The following EPB41 variants were observed in gnomAD, a reference collection of about 807,000 sequenced individuals.
EPB41 encodes protein 4.1.
In EPB41, 65 loss-of-function variants were observed where a neutral mutation model predicts 108.0. That is an observed-to-expected ratio of 0.60 (90% CI 0.49 to 0.74). The LOEUF is 0.74. Among genes scored for constraint, EPB41 ranks in the 30% least tolerant of loss-of-function variants. EPB41 has a pLI of 0.00. For missense variants in EPB41, 875 were observed against 1,037.0 expected (o/e 0.84, Z 2.15); for synonymous variants, 336 against 358.9 (o/e 0.94, Z 0.72).
At chr1:28,906,303 C>A (rs2091823593) in intron 1 of EPB41, among the ~76,000 whole-genome samples, 2 of 152,144 alleles carry the variant, frequency 1.3e-5, no homozygotes, top group Admixed American at 1.3e-4. Flanking sequence ...TTATATCTCC[C>A]CTTCTGCCCT....
chr1:29,116,583 G>C (rs1671030352), intron 20 of EPB41, among the ~76,000 whole-genome samples: 1 of 152,208 alleles, frequency 6.6e-6, no homozygotes, highest in Non-Finnish European at 1.5e-5. Flanking sequence ...TCTGAGACCA[G>C]AGTAGAGAGC....
intron 16 of EPB41, among the ~76,000 whole-genome samples, chr1:29,083,609 T>A (rs1249042630): frequency 6.6e-6 from 1 of 152,224 alleles, no homozygotes; most frequent in Admixed American, 6.5e-5. Context: ...TTATTGCAAG[T>A]GCCCATTTAA....
intron 1 of EPB41, among the ~76,000 whole-genome samples, chr1:28,977,384 G>A (rs954320021): frequency 2.8e-5 from 4 of 140,614 alleles, no homozygotes; most frequent in Admixed American, 1.4e-4. Context: ...AGTCTGTTCA[G>A]TATGTTTTTC....
intron 8 of EPB41, among the ~76,000 whole-genome samples, chr1:29,031,023 G>A (rs556139679): frequency 2.0e-5 from 3 of 151,902 alleles, no homozygotes; most frequent in East Asian, 3.9e-4. Context: ...GGGTTTCACC[G>A]TGGTCTCGAT....
intron 16 of EPB41, among the ~76,000 whole-genome samples, chr1:29,082,423 C>G (rs1306780026): frequency 6.6e-6 from 1 of 152,204 alleles, no homozygotes. Context: ...TGGGCCTAAC[C>G]TCAAGGTAAC....
rs576390508 is a variant in EPB41, at chr1:29,017,546, A to G, written c.906-678A>G. On this transcript the variant is annotated intron_variant, in intron 6 of 20. Coordinates refer to ENST00000343067, the MANE Select transcript of EPB41 (RefSeq NM_001376013.1). ...TGCAGTTCCCAACAGTTTAGCACAC[A>G]GATGGGATTAGTCTTACAAGGTGGC... Among the ~76,000 whole-genome samples the G allele has an allele frequency of 3.3e-5, 5 of 152,348 alleles. No homozygotes were observed. In the East Asian group the frequency reaches 9.6e-4, roughly 29 times the overall value.
chr1:29,015,806 A>T (rs1456744573), intron 6 of EPB41, 39 bp downstream of exon 6: 3 of 1,284,538 alleles, frequency 2.3e-6, no homozygotes, highest in Non-Finnish European at 3.4e-6. Flanking sequence ...TTATCATATA[A>T]TAATGTGTAT....
At chr1:29,026,141 G>C (rs2788890) in intron 7 of EPB41, among the ~76,000 whole-genome samples, 28,474 of 152,060 alleles carry the variant, frequency 0.19, 3,289 homozygotes, top group East Asian at 0.47. Context: ...GGTTCAAGTA[G>C]AGTGAGGAGG....
At chr1:28,891,542 G>A (rs2090117854) in intron 1 of EPB41, among the ~76,000 whole-genome samples, 1 of 152,154 alleles carries the variant, frequency 6.6e-6, no homozygotes, top group East Asian at 1.9e-4. Flanking sequence ...GAGGACACAC[G>A]AGAGTCCCTT....
chr1:29,093,884 G>A (rs1285049627), intron 16 of EPB41, among the ~76,000 whole-genome samples: 1 of 152,164 alleles, frequency 6.6e-6, no homozygotes, highest in Non-Finnish European at 1.5e-5. Flanking sequence ...CAACCTGGGC[G>A]AGAAAGCGAG....
intron 1 of EPB41, among the ~76,000 whole-genome samples, chr1:28,950,617 C>T (rs899296151): frequency 6.6e-6 from 1 of 152,240 alleles, no homozygotes; most frequent in African/African-American, 2.4e-5. Flanking sequence ...AGGGCCTCCC[C>T]TCTCCCTTCT....
chr1:28,939,990 G>A (rs2094207656), intron 1 of EPB41, among the ~76,000 whole-genome samples: 1 of 152,208 alleles, frequency 6.6e-6, no homozygotes, highest in Non-Finnish European at 1.5e-5. Context: ...CAGTGGGTGG[G>A]CTGGAGCTGG....
intron 9 of EPB41, among the ~76,000 whole-genome samples, 175 bp downstream of exon 9, chr1:29,033,420 C>T (rs1316717377): frequency 6.6e-6 from 1 of 152,162 alleles, no homozygotes; most frequent in African/African-American, 2.4e-5. Context: ...CTTTTCCTTA[C>T]TACTGGTCTT....
intron 17 of EPB41, among the ~76,000 whole-genome samples, chr1:29,108,145 T>C (rs1667845713): frequency 6.6e-6 from 1 of 150,814 alleles, no homozygotes; most frequent in Non-Finnish European, 1.5e-5. Flanking sequence ...CTGCCTCTTA[T>C]TTCTTTTTTT....
chr1:28,994,690 G>A (rs1326992560), intron 3 of EPB41, among the ~76,000 whole-genome samples: 1 of 141,798 alleles, frequency 7.1e-6, no homozygotes, highest in African/African-American at 2.6e-5. Flanking sequence ...ACAGGGTCTT[G>A]CTCTGTTGCC....
chr1:29,039,271 C>G lies in EPB41; in HGVS notation c.1481C>G (p.Thr494Ser), dbSNP rs754100044. ...CCCCCCAGATTGACATCTACAGACA[C>G]CATTCCCAAAAGCAAATTTCTTGCG... Reference protein sequence around the residue: ...HTFFRLTSTDTIPKSKFLALG... With the variant: ...HTFFRLTSTDSIPKSKFLALG... Residue 494 changes from threonine to serine, a missense_variant, in exon 11 of 21, where the codon ACC becomes AGC. Thr to Ser is a moderately conservative substitution (Grantham distance 58). Coordinates refer to ENST00000343067, the MANE Select transcript of EPB41 (RefSeq NM_001376013.1). 6.2e-7 allele frequency: 1 copy of G among 1,614,018 alleles called. No homozygotes were observed. Among genetic ancestry groups the G allele is most frequent in the South Asian group, 1.1e-5 (1 of 91,074 alleles).
At chr1:29,092,908 A>T (rs1364659693) in intron 16 of EPB41, among the ~76,000 whole-genome samples, 1 of 152,176 alleles carries the variant, frequency 6.6e-6, no homozygotes, top group Admixed American at 6.5e-5. Flanking sequence ...GCTGCATAGT[A>T]TTCCATGGTA....
chr1:29,069,220 G>A (rs1650034610), intron 16 of EPB41: 1 of 1,231,458 alleles, frequency 8.1e-7, no homozygotes, highest in African/African-American at 1.6e-5. Context: ...CAAAGAACCA[G>A]TGTTGAACTT....
chr1:29,084,361 T>C (rs1220685131), intron 16 of EPB41, among the ~76,000 whole-genome samples: 1 of 152,246 alleles, frequency 6.6e-6, no homozygotes, highest in Non-Finnish European at 1.5e-5. Flanking sequence ...GCACAGATGA[T>C]GGTGACTGAT....
Sources: allele counts gnomAD v4.1 joint callset (sites outside exome capture counted in the v4.1 genomes callset), GRCh38; gene constraint gnomAD v4.1.1; transcripts MANE v1.5; gene names NCBI Gene and HGNC (gene_info 2026-07-23, HGNC 2026-07-21).